The following STAB2 variants were observed in gnomAD, a reference collection of about 807,000 sequenced individuals.
STAB2 encodes stabilin-2.
Under a neutral mutation model 338.1 loss-of-function variants are expected in STAB2, and 288 were observed. The observed-to-expected ratio is 0.85, with a 90% confidence interval of 0.77 to 0.94. The LOEUF is 0.94. STAB2 is among the 40% of genes least tolerant of loss of function. The pLI is 0.00. For missense variants in STAB2, 3,141 were observed against 3,210.1 expected, an observed-to-expected ratio of 0.98 and a Z score of 0.52; for synonymous variants, 1,202 against 1,193.3, an observed-to-expected ratio of 1.01 and a Z score of -0.15.
chr12:103,660,328 C>T lies in STAB2; in HGVS notation c.1735-3C>T, dbSNP rs1874501183. ...ACTAAAGAAGTATTTGGTTCCTTTG[C>T]AGGGATCTCGGAAGCTTCTGGAACT... On this transcript the variant is annotated splice_polypyrimidine_tract_variant and splice_region_variant and intron_variant, in intron 15 of 68. Transcript: ENST00000388887. The T allele has an allele frequency of 2.5e-6, 4 of 1,614,088 alleles. No homozygotes were observed. Among genetic ancestry groups the T allele is most frequent in the Non-Finnish European group, 3.4e-6 (4 of 1,179,978 alleles).
At chr12:103,605,898 G>A (rs1018589701) in intron 3 of STAB2, among the ~76,000 whole-genome samples, 3 of 151,838 alleles carry the variant, frequency 2.0e-5, no homozygotes, top group African/African-American at 7.3e-5. Context: ...GTCTCTTGTA[G>A]GCAACATATA....
In STAB2 at chr12:103,587,525, A is replaced by G. The variant is rs1333752385; in HGVS notation, c.49A>G (p.Asn17Asp). The G allele has an allele frequency of 3.7e-6, 6 of 1,613,994 alleles. No individual in the cohort carries two copies. The highest frequency in any genetic ancestry group is 5.1e-6 in the Non-Finnish European group (6 of 1,179,982). ...TTTTTGTCTTGGATTGGTTGTACAA[A>G]ATTTCTGCTCCCCAGCTGAAACCAC... ...VIFCLGLVVQ[N>D]FCSPAETTGQ... The change falls in exon 1 of 69, where the codon AAT becomes GAT. Residue 17 changes from asparagine to aspartate, a missense_variant. Asn to Asp is a conservative substitution (Grantham distance 23). Transcript: ENST00000388887.
At chr12:103,753,560 G>T (rs1883858804) in intron 61 of STAB2, among the ~76,000 whole-genome samples, 1 of 152,146 alleles carries the variant, frequency 6.6e-6, no homozygotes, top group Non-Finnish European at 1.5e-5. Context: ...GGATATTATT[G>T]TTCATCCTTA....
intron 5 of STAB2, among the ~76,000 whole-genome samples, chr12:103,623,849 C>T (rs1051393150): frequency 1.3e-5 from 2 of 152,152 alleles, no homozygotes; most frequent in African/African-American, 4.8e-5. Context: ...GCCAAGCGCT[C>T]GTCCTAAGGT....
chr12:103,766,451 T>A lies in STAB2; in HGVS notation c.*115T>A. Reference sequence around the variant, plus strand: ...AAGTCCTTTAAGCACTCAGAAGCCATACCTCATCTCTCTGGCTGATCTGGG... The same window carrying A: ...AAGTCCTTTAAGCACTCAGAAGCCAAACCTCATCTCTCTGGCTGATCTGGG... On this transcript the variant is annotated 3_prime_UTR_variant, in exon 69 of 69. Transcript: ENST00000388887. 8.3e-7 allele frequency: 1 copy of A among 1,207,836 alleles called. No homozygotes were observed. The highest frequency in any genetic ancestry group is 1.2e-6 in the Non-Finnish European group (1 of 862,788). 74.8% of individuals were successfully genotyped at this position (1,207,836 alleles called of 1,614,324 possible).
At position 103,746,738 on chromosome 12, in the gene STAB2, C is replaced by T. The variant is rs747020740; in HGVS notation, c.6244+34C>T. 33 of 1,604,382 alleles carry T rather than the reference C, an allele frequency of 2.1e-5. No homozygotes were observed. The African/African-American group carries it at 3.3e-4, about 16-fold the overall frequency. On this transcript the variant is annotated intron_variant, in intron 58 of 68. Coordinates refer to ENST00000388887, the MANE Select transcript of STAB2 (RefSeq NM_017564.10). ...CCTTTGTGCACAGGTGAAATAGCAG[C>T]ATGGTGTGGGAGAGGAGCAGGACTT...
At chr12:103,701,048 C>T (rs1009532678) in intron 34 of STAB2, among the ~76,000 whole-genome samples, 3 of 148,398 alleles carry the variant, frequency 2.0e-5, no homozygotes, top group Non-Finnish European at 3.0e-5. Flanking sequence ...GTTCCCCTTC[C>T]TGTGTCCATG....
At chr12:103,588,751 T>C (rs1288111785) in intron 1 of STAB2, among the ~76,000 whole-genome samples, 1 of 152,140 alleles carries the variant, frequency 6.6e-6, no homozygotes, top group Non-Finnish European at 1.5e-5. Flanking sequence ...CACATACTTA[T>C]CCAAATGTGA....
Position 103,706,838 on chromosome 12 carries a change from G to T in STAB2, c.4043G>T (p.Cys1348Phe). The T allele has an allele frequency of 6.2e-7, 1 of 1,614,234 alleles. No homozygotes were observed. The highest frequency in any genetic ancestry group is 2.2e-5 in the East Asian group (1 of 44,874). Reference sequence around the variant, plus strand: ...TTCTTTGGCCCCCAATGCCAGCCCTGCCCAGGGAATGCCCAGAATGTCTGC... The same window carrying T: ...TTCTTTGGCCCCCAATGCCAGCCCTTCCCAGGGAATGCCCAGAATGTCTGC... ...AGFFGPQCQP[C>F]PGNAQNVCFG... is the part of the protein sequence containing the mutation. Residue 1348 changes from cysteine (C) to phenylalanine (F), a missense_variant, in exon 38 of 69, where the codon TGC becomes TTC. Coordinates refer to ENST00000388887, the MANE Select transcript of STAB2 (RefSeq NM_017564.10).
chr12:103,631,203 G>C (rs1265034212), intron 5 of STAB2, among the ~76,000 whole-genome samples: 1 of 152,066 alleles, frequency 6.6e-6, no homozygotes, highest in Non-Finnish European at 1.5e-5. Context: ...TATTTATATA[G>C]ATATCTGCTA....
At position 103,746,661 on chromosome 12, in the gene STAB2, T is replaced by C; in HGVS notation, c.6201T>C (p.Cys2067=). 1 of 1,614,064 alleles carries C rather than the reference T, an allele frequency of 6.2e-7. No individual in the cohort carries two copies. Among genetic ancestry groups the C allele is most frequent in the Non-Finnish European group, 8.5e-7 (1 of 1,179,954 alleles). The change falls in exon 58 of 69, where the codon TGT becomes TGC. Residue 2067 remains cysteine (C), a synonymous_variant. Coordinates refer to ENST00000388887, the MANE Select transcript of STAB2 (RefSeq NM_017564.10). ...CCACCTGTAAGGAGAACAACACGTGTGAGTGTAACCTGGATTATGAAGGTG... is the reference window on the plus strand; with the variant it reads ...CCACCTGTAAGGAGAACAACACGTGCGAGTGTAACCTGGATTATGAAGGTG... ...AHATCKENNT[C]ECNLDYEGDG...
chr12:103,591,038 T>A lies in STAB2; in HGVS notation c.215+8T>A. 6.2e-7 allele frequency: 1 copy of A among 1,612,924 alleles called. No homozygotes were observed. Among genetic ancestry groups the A allele is most frequent in the Non-Finnish European group, 8.5e-7 (1 of 1,179,480 alleles). Reference sequence around the variant, plus strand: ...AGGGGTTCGAGATTGCAGGTACTCATGAGAAAATAAACGTGATGGAACTAT... The same window carrying A: ...AGGGGTTCGAGATTGCAGGTACTCAAGAGAAAATAAACGTGATGGAACTAT... On this transcript the variant is annotated splice_region_variant and intron_variant, in intron 2 of 68. Transcript: ENST00000388887.
intron 56 of STAB2, among the ~76,000 whole-genome samples, chr12:103,744,213 G>A (rs1365488587): frequency 6.6e-6 from 1 of 151,854 alleles, no homozygotes; most frequent in East Asian, 1.9e-4. Context: ...GCGGGATTAT[G>A]GCTCACTGCA....
chr12:103,748,601 CACAT>C (rs1249298583), intron 58 of STAB2, among the ~76,000 whole-genome samples: 1,051 of 29,954 alleles, frequency 0.035, 10 homozygotes, highest in African/African-American at 0.12. Context: ...CACACACACA[CACAT>C]ACACACACAC....
chr12:103,640,001 C>T, intron 8 of STAB2, 122 bp from the exon 9 acceptor site: 3 of 1,212,018 alleles, frequency 2.5e-6, no homozygotes, highest in Non-Finnish European at 3.3e-6. Context: ...TAGTTTAAGT[C>T]CACACTTCAG....
At chr12:103,725,545 C>T (rs778252240) in intron 45 of STAB2, among the ~76,000 whole-genome samples, 8 of 151,860 alleles carry the variant, frequency 5.3e-5, no homozygotes, top group East Asian at 3.9e-4. Flanking sequence ...TGCATGTGTG[C>T]GTGTGCATGT....
rs989565121 is a variant in STAB2, at chr12:103,666,356, G to A, written c.2085+3G>A. 1 of 1,614,194 alleles carries A rather than the reference G, an allele frequency of 6.2e-7. No homozygotes were observed. On this transcript the variant is annotated splice_donor_region_variant and intron_variant, in intron 19 of 68. Coordinates refer to ENST00000388887, the MANE Select transcript of STAB2 (RefSeq NM_017564.10). The stretch of plus-strand genomic sequence containing the variant: ...GTCCTGCTAACTCTGAGCCCACAGT[G>A]AGTGTGACAGCTTCATGAAAGCACA...
At chr12:103,650,614 A>AT (rs1227737724) in intron 11 of STAB2, 36 bp downstream of exon 11, 1 of 1,574,336 alleles carries the variant, frequency 6.4e-7, no homozygotes, top group South Asian at 1.1e-5. Context: ...CAAGGGGCTA[A>AT]TATGAAAAGC....
At chr12:103,691,502 T>C (rs899746417) in intron 30 of STAB2, among the ~76,000 whole-genome samples, 1 of 152,248 alleles carries the variant, frequency 6.6e-6, no homozygotes, top group Non-Finnish European at 1.5e-5. Flanking sequence ...TAAAATTGTA[T>C]GTATTTAAAG....
Sources: gnomAD v4.1 joint callset for allele counts (sites outside exome capture counted in the v4.1 genomes callset) on GRCh38, gnomAD v4.1.1 for gene constraint, MANE v1.5 for transcripts, NCBI Gene and HGNC (gene_info 2026-07-23, HGNC 2026-07-21) for gene names.